XRCC4: variants seen among roughly 807,000 people sequenced by gnomAD.
XRCC4 encodes DNA repair protein XRCC4.
XRCC4 carries 28 observed loss-of-function variants against 39.1 expected under a neutral mutation model. That is an observed-to-expected ratio of 0.72 (90% CI 0.53 to 0.98). XRCC4 has a LOEUF of 0.98. XRCC4 is among the 50% of genes least tolerant of loss of function. XRCC4 has a pLI of 0.00. For missense variants in XRCC4, 350 were observed against 376.4 expected (o/e 0.93, Z 0.58); for synonymous variants, 123 against 126.4 (o/e 0.97, Z 0.18).
At chr5:83,259,889 G>A (rs745633000) in intron 7 of XRCC4, among the ~76,000 whole-genome samples, 1 of 152,042 alleles carries the variant, frequency 6.6e-6, no homozygotes, top group African/African-American at 2.4e-5. Context: ...TAGACAATAA[G>A]GATGCAAAGA....
In XRCC4 at chr5:83,195,952, G is replaced by T. The variant is rs2112701803; in HGVS notation, c.482+16G>T. The T allele has an allele frequency of 6.4e-7, 1 of 1,550,634 alleles. No individual in the cohort carries two copies. The highest frequency in any genetic ancestry group is 8.7e-7 in the Non-Finnish European group (1 of 1,148,608). On this transcript the variant is annotated intron_variant, in intron 4 of 7. Coordinates refer to ENST00000396027, the MANE Select transcript of XRCC4 (RefSeq NM_003401.5). ...TTCAAGGACGGTGTGTACACAGTTT[G>T]CTTGTGGTATAAAAATACGGAGCCC... is the stretch of plus-strand genomic sequence containing the variant.
At chr5:83,307,759 TGA>T (rs1164003687) in intron 7 of XRCC4, among the ~76,000 whole-genome samples, 1 of 152,146 alleles carries the variant, frequency 6.6e-6, no homozygotes, top group African/African-American at 2.4e-5. Flanking sequence ...CTGGGAAGGT[TGA>T]GAGAGAGAAC....
intron 6 of XRCC4, among the ~76,000 whole-genome samples, chr5:83,225,800 G>A (rs1438575877): frequency 2.0e-5 from 3 of 151,552 alleles, no homozygotes; most frequent in African/African-American, 7.3e-5. Flanking sequence ...CCTCTGCTAC[G>A]AGATAGTGAG....
chr5:83,158,845 G>A (rs959007941), intron 3 of XRCC4, among the ~76,000 whole-genome samples: 2 of 151,914 alleles, frequency 1.3e-5, no homozygotes, highest in Non-Finnish European at 2.9e-5. Flanking sequence ...AATACAAAAT[G>A]TTTATTTTTT....
intron 6 of XRCC4, among the ~76,000 whole-genome samples, chr5:83,250,319 G>A (rs1159793847): frequency 6.6e-6 from 1 of 152,094 alleles, no homozygotes; most frequent in Non-Finnish European, 1.5e-5. Context: ...AATGTTAACT[G>A]GAACTGGCAC....
chr5:83,339,425 G>A (rs1173364496), intron 7 of XRCC4, among the ~76,000 whole-genome samples: 1 of 151,930 alleles, frequency 6.6e-6, no homozygotes. Flanking sequence ...GTTGAACAAT[G>A]GGAACACATG....
At position 83,109,936 on chromosome 5, in the gene XRCC4, C is replaced by G. The variant is rs557512442; in HGVS notation, c.140-1092C>G. ...GATGCAGCATAAAAACAGAACAATC[C>G]CTAAGGACTATGAGTGAATAAAAGT... On this transcript the variant is annotated intron_variant, in intron 2 of 7. Transcript: ENST00000396027. Among the ~76,000 whole-genome samples the G allele has an allele frequency of 1.9e-4, 29 of 152,028 alleles. No individual in the cohort carries two copies. In the South Asian group the frequency reaches 5.6e-3, roughly 29 times the overall value.
chr5:83,152,500 G>A (rs1183222945), intron 3 of XRCC4, among the ~76,000 whole-genome samples: 1 of 151,944 alleles, frequency 6.6e-6, no homozygotes, highest in African/African-American at 2.4e-5. Context: ...GGGCTTGGTG[G>A]CGGGTGCCTG....
At chr5:83,122,049 A>T (rs1267981952) in intron 3 of XRCC4, among the ~76,000 whole-genome samples, 1 of 152,214 alleles carries the variant, frequency 6.6e-6, no homozygotes, top group Non-Finnish European at 1.5e-5. Context: ...GCTCTGTGCC[A>T]GCCATAATCT....
At chr5:83,283,069 T>C (rs997494443) in intron 7 of XRCC4, among the ~76,000 whole-genome samples, 26 of 147,392 alleles carry the variant, frequency 1.8e-4, no homozygotes, top group African/African-American at 6.5e-4. Flanking sequence ...AAAAAAAAGG[T>C]TTTTGCAAAA....
At chr5:83,133,012 T>A (rs143883813) in intron 3 of XRCC4, among the ~76,000 whole-genome samples, 2,102 of 152,210 alleles carry the variant, frequency 0.014, 50 homozygotes, top group African/African-American at 0.047. Flanking sequence ...TTTCCCCATC[T>A]TTGTGGTTTT....
intron 6 of XRCC4, among the ~76,000 whole-genome samples, chr5:83,256,503 T>A (rs1753541892): frequency 6.6e-6 from 1 of 152,270 alleles, no homozygotes; most frequent in South Asian, 2.1e-4. Flanking sequence ...TTCTCCAGTT[T>A]ACAAATCTAT....
intron 1 of XRCC4, among the ~76,000 whole-genome samples, chr5:83,085,149 T>C (rs1394013523): frequency 6.6e-6 from 1 of 152,218 alleles, no homozygotes; most frequent in African/African-American, 2.4e-5. Context: ...CTTCTAATTT[T>C]ACCTGAGCAG....
chr5:83,295,481 G>C (rs1755061359), intron 7 of XRCC4, among the ~76,000 whole-genome samples: 1 of 152,084 alleles, frequency 6.6e-6, no homozygotes, highest in South Asian at 2.1e-4. Context: ...TATGTGCTAT[G>C]AGGGAAACAA....
chr5:83,315,674 G>C (rs559554319), intron 7 of XRCC4, among the ~76,000 whole-genome samples: 3 of 152,170 alleles, frequency 2.0e-5, no homozygotes, highest in African/African-American at 7.2e-5. Flanking sequence ...ACAAAGACTA[G>C]ATGATGATAC....
At chr5:83,264,643 C>G (rs1019348223) in intron 7 of XRCC4, among the ~76,000 whole-genome samples, 4 of 152,078 alleles carry the variant, frequency 2.6e-5, no homozygotes, top group Admixed American at 2.0e-4. Flanking sequence ...ACCGTTGAGA[C>G]CTGGTACTCT....
chr5:83,284,310 A>G (rs558493396), intron 7 of XRCC4, among the ~76,000 whole-genome samples: 3 of 152,166 alleles, frequency 2.0e-5, no homozygotes, highest in South Asian at 4.1e-4. Context: ...ACCTTAACTC[A>G]GTGACTAAGA....
chr5:83,121,684 G>A (rs1747015194), intron 3 of XRCC4, among the ~76,000 whole-genome samples: 1 of 152,036 alleles, frequency 6.6e-6, no homozygotes, highest in Admixed American at 6.6e-5. Flanking sequence ...CAAGTTTGTG[G>A]GAGAAGCAGA....
rs191663304 is a variant in XRCC4, at chr5:83,188,189, G to A, written c.316-7581G>A. Among the ~76,000 whole-genome samples, 46 of 152,248 alleles carry A rather than the reference G, an allele frequency of 3.0e-4. No individual in the cohort carries two copies. In the East Asian group the frequency reaches 7.6e-3, roughly 25 times the overall value. The stretch of plus-strand genomic sequence containing the variant: ...CTAGCTTTTACATGAGTTTGTAAAA[G>A]CTGCAATTAAGGTGTTGTCCAGGGG... On this transcript the variant is annotated intron_variant, in intron 3 of 7. Coordinates refer to ENST00000396027, the MANE Select transcript of XRCC4 (RefSeq NM_003401.5).
Sources: allele counts gnomAD v4.1 joint callset (sites outside exome capture counted in the v4.1 genomes callset), GRCh38; gene constraint gnomAD v4.1.1; transcripts MANE v1.5; gene names NCBI Gene and HGNC (gene_info 2026-07-23, HGNC 2026-07-21).